PCDHA4: variants seen among roughly 807,000 people sequenced by gnomAD.
PCDHA4 encodes protocadherin alpha 4.
In PCDHA4, 49 loss-of-function variants were observed where a neutral mutation model predicts 61.4. That is an observed-to-expected ratio of 0.80 (90% CI 0.63 to 1.01). The LOEUF (loss-of-function observed/expected upper bound fraction) is 1.01. Among genes scored for constraint, PCDHA4 ranks in the 50% least tolerant of loss-of-function variants. PCDHA4 has a pLI of 0.00. For missense variants in PCDHA4, 1,254 were observed against 1,235.8 expected, an observed-to-expected ratio of 1.01 and a Z score of -0.22; for synonymous variants, 590 against 550.3, an observed-to-expected ratio of 1.07 and a Z score of -1.01.
At chr5:140,935,264 A>G (rs756476804) in intron 1 of PCDHA4, among the ~76,000 whole-genome samples, 3 of 152,196 alleles carry the variant, frequency 2.0e-5, no homozygotes, top group African/African-American at 7.2e-5. Context: ...TCACATGTTT[A>G]TACTAATCTA....
rs782181380 is a variant in PCDHA4 at position 140,857,975 on chromosome 5, C to A, written c.2385+48403C>A. 5 of 1,596,906 alleles carry A rather than the reference C, an allele frequency of 3.1e-6. 1 individual carries two copies. The highest frequency in any genetic ancestry group is 3.4e-6 in the Non-Finnish European group (4 of 1,167,228). On this transcript the variant is annotated intron_variant, in intron 1 of 3. Coordinates refer to ENST00000530339, the MANE Select transcript of PCDHA4 (RefSeq NM_018907.4). ...CGCTCTGGATGAGACTGACTCGCCA[C>A]GCCAGCGCCTACTGGTGCTGGTGAA...
intron 1 of PCDHA4, among the ~76,000 whole-genome samples, chr5:140,826,723 G>A (rs1409739091): frequency 1.3e-5 from 2 of 152,174 alleles, no homozygotes; most frequent in African/African-American, 4.8e-5. Context: ...AAGAGGAAGA[G>A]CAAGTGGTCT....
intron 1 of PCDHA4, chr5:140,927,414 A>T: frequency 6.2e-7 from 1 of 1,614,114 alleles, no homozygotes; most frequent in South Asian, 1.1e-5. Context: ...TGGACATGGG[A>T]TCGCGGGTTG....
Position 140,842,675 on chromosome 5 carries a change from G to A in PCDHA4, c.2385+33103G>A. The A allele has an allele frequency of 1.3e-5, 20 of 1,595,468 alleles. 3 individuals are homozygous for A. The highest frequency in any genetic ancestry group is 3.5e-4 in the Middle Eastern group (2 of 5,774). ...GGAGGTGGCCGACGTGAACGACAAT[G>A]CTCCGGCGTTCGCGCAGCCCGAGTA... On this transcript the variant is annotated intron_variant, in intron 1 of 3. Transcript: ENST00000530339.
At chr5:140,965,343 T>C (rs1460433512) in intron 1 of PCDHA4, among the ~76,000 whole-genome samples, 1 of 152,154 alleles carries the variant, frequency 6.6e-6, no homozygotes, top group Admixed American at 6.5e-5. Flanking sequence ...TGTCTCTGTG[T>C]TGCCTCTATA....
At chr5:140,994,387 C>G (rs192635308) in intron 3 of PCDHA4, among the ~76,000 whole-genome samples, 1 of 152,174 alleles carries the variant, frequency 6.6e-6, no homozygotes, top group South Asian at 2.1e-4. Context: ...GGGACTAAGT[C>G]AGAGATTATT....
At chr5:140,860,671 T>A (rs1339790199) in intron 1 of PCDHA4, 1 of 152,218 alleles carries the variant, frequency 6.6e-6, no homozygotes, top group Non-Finnish European at 1.5e-5. Context: ...TGAAATCAAA[T>A]GCACTTATGT....
At chr5:140,883,927 G>A (rs781895204) in intron 1 of PCDHA4, 2 of 1,613,456 alleles carry the variant, frequency 1.2e-6, no homozygotes, top group South Asian at 1.1e-5. Flanking sequence ...CGCTGCAGGT[G>A]TTCGTGCTGG....
intron 1 of PCDHA4, among the ~76,000 whole-genome samples, chr5:140,915,458 G>A (rs1172885235): frequency 6.6e-6 from 1 of 152,126 alleles, no homozygotes; most frequent in Non-Finnish European, 1.5e-5. Context: ...TTTCCAGAAG[G>A]TTTTTATTTG....
chr5:141,000,419 A>T (rs1394449061), intron 3 of PCDHA4, among the ~76,000 whole-genome samples: 972 of 60,664 alleles, frequency 0.016, 14 homozygotes, highest in African/African-American at 0.023. Flanking sequence ...ATATATATAT[A>T]TATTTTTTTT....
Position 140,808,433 on chromosome 5 carries a change from G to A in PCDHA4, c.1246G>A (p.Glu416Lys). ...GGTGCTGGACAGTGCCCTGGACCGC[G>A]AGAGCGTGTCAGCCTATGAGCTGGT... ...SLVLDSALDR[E>K]SVSAYELVVT... is the part of the protein sequence containing the mutation. Residue 416 changes from glutamate to lysine, a missense_variant, in exon 1 of 4, where the codon GAG becomes AAG. Glu to Lys is a moderately conservative substitution (Grantham distance 56). Coordinates refer to ENST00000530339, the MANE Select transcript of PCDHA4 (RefSeq NM_018907.4). 6.2e-7 allele frequency: 1 copy of A among 1,614,160 alleles called. No homozygotes were observed.
chr5:140,843,462 C>G (rs2150360645), intron 1 of PCDHA4: 5 of 1,596,046 alleles, frequency 3.1e-6, no homozygotes, highest in Non-Finnish European at 3.4e-6. Flanking sequence ...CTGGTGCTCA[C>G]GCTGCTGCTG....
At chr5:140,897,471 G>A (rs1260992963) in intron 1 of PCDHA4, among the ~76,000 whole-genome samples, 3 of 151,810 alleles carry the variant, frequency 2.0e-5, no homozygotes, top group Non-Finnish European at 4.4e-5. Flanking sequence ...AGTTTACTGA[G>A]AATGATGATT....
chr5:140,836,566 C>T, intron 1 of PCDHA4: 1 of 1,613,742 alleles, frequency 6.2e-7, no homozygotes, highest in Non-Finnish European at 8.5e-7. Flanking sequence ...GCGCCGTCCT[C>T]TGAGGGCGCA....
Position 141,010,339 on chromosome 5 carries a change from A to G in PCDHA4, c.*402A>G. 2 of 1,534,058 alleles carry G rather than the reference A, an allele frequency of 1.3e-6. No homozygotes were observed. Among genetic ancestry groups the G allele is most frequent in the East Asian group, 4.9e-5 (2 of 40,762 alleles). On this transcript the variant is annotated 3_prime_UTR_variant, in exon 4 of 4. Transcript: ENST00000530339. ...TTGAGCAGCTTGGGAGTTTGTGGCC[A>G]CTGGGTATGTGTGGCTACCGCGGGT...
chr5:140,927,325 C>T, intron 1 of PCDHA4: 6 of 1,614,234 alleles, frequency 3.7e-6, no homozygotes, highest in South Asian at 1.1e-5. Context: ...CCGCTTTACT[C>T]TCCCGAATGC....
At chr5:140,821,587 C>T in intron 1 of PCDHA4, 1 of 647,978 alleles carries the variant, frequency 1.5e-6, no homozygotes, top group Non-Finnish European at 2.4e-6. Context: ...TTTCTCCCTT[C>T]CCAGCCTCAA....
chr5:140,815,646 A>G (rs1765773592), intron 1 of PCDHA4: 1 of 152,016 alleles, frequency 6.6e-6, no homozygotes, highest in South Asian at 2.1e-4. Context: ...TTCTGTTTTT[A>G]TCTATATATT....
intron 1 of PCDHA4, among the ~76,000 whole-genome samples, chr5:140,960,257 C>T (rs1554224600): frequency 6.6e-6 from 1 of 152,186 alleles, no homozygotes; most frequent in African/African-American, 2.4e-5. Flanking sequence ...CCTGGAGCTT[C>T]TGATAAATTC....
Sources: allele counts gnomAD v4.1 joint callset (sites outside exome capture counted in the v4.1 genomes callset), GRCh38; gene constraint gnomAD v4.1.1; transcripts MANE v1.5; gene names NCBI Gene and HGNC (gene_info 2026-07-23, HGNC 2026-07-21).